Variants in TOPBP1 observed in about 807,000 individuals in gnomAD.
TOPBP1 encodes DNA topoisomerase II binding protein 1, also known as DNA topoisomerase 2-binding protein 1.
In TOPBP1, 28 loss-of-function variants were observed where a neutral mutation model predicts 167.7. The ratio of observed to expected loss-of-function variants is 0.17; its 90% confidence interval spans 0.12 to 0.23. The LOEUF (loss-of-function observed/expected upper bound fraction) is 0.23. Among genes scored for constraint, TOPBP1 ranks in the 10% least tolerant of loss-of-function variants. TOPBP1 has a pLI of 1.00. For synonymous variants in TOPBP1, 598 were observed against 611.4 expected, an observed-to-expected ratio of 0.98 and a Z score of 0.32; for missense variants, 1,554 against 1,809.6, an observed-to-expected ratio of 0.86 and a Z score of 2.56.
chr3:133,623,374 C>T lies in TOPBP1; in HGVS notation c.3012G>A (p.Val1004=), dbSNP rs4854738. Reference sequence around the variant, plus strand: ...GACTATTACAGAGCCGGCCATCTTGCACTGCGCTGATATCCAAGCTCATTT... The same window carrying T: ...GACTATTACAGAGCCGGCCATCTTGTACTGCGCTGATATCCAAGCTCATTT... The part of the protein sequence containing the change: ...NPKMSLDISA[V]QDGRLCNSRL... Residue 1004 remains valine (V), a synonymous_variant, in exon 18 of 28, where the codon GTG becomes GTA. Transcript: ENST00000260810. 0.093 allele frequency: 150,588 copies of T among 1,612,876 alleles called. 8,262 individuals carry two copies. The highest frequency in any genetic ancestry group is 0.21 in the East Asian group (9,555 of 44,806).
chr3:133,632,682 T>C (rs1935527438), intron 14 of TOPBP1, among the ~76,000 whole-genome samples: 1 of 152,232 alleles, frequency 6.6e-6, no homozygotes, highest in Non-Finnish European at 1.5e-5. Flanking sequence ...TAGATCCCAA[T>C]GCCTCTCAGA....
At chr3:133,661,396 C>G (rs1936709007) in intron 1 of TOPBP1, among the ~76,000 whole-genome samples, 1 of 152,364 alleles carries the variant, frequency 6.6e-6, no homozygotes, top group South Asian at 2.1e-4. Flanking sequence ...GCTATGAAGG[C>G]TCTAAGCCCT....
intron 10 of TOPBP1, among the ~76,000 whole-genome samples, chr3:133,648,537 C>T (rs900161223): frequency 1.3e-5 from 2 of 152,234 alleles, no homozygotes; most frequent in Non-Finnish European, 2.9e-5. Context: ...GTGGCTCACG[C>T]CCGTAATCCC....
chr3:133,615,496 C>T (rs1191322686), intron 23 of TOPBP1, among the ~76,000 whole-genome samples: 1 of 151,706 alleles, frequency 6.6e-6, no homozygotes, highest in Non-Finnish European at 1.5e-5. Context: ...ACAAAAAAAC[C>T]CCACCAATAT....
chr3:133,636,455 A>G (rs910702382), intron 14 of TOPBP1, among the ~76,000 whole-genome samples: 6 of 152,166 alleles, frequency 3.9e-5, no homozygotes, highest in African/African-American at 1.4e-4. Flanking sequence ...TTATAAGATT[A>G]TAAGATGAAG....
chr3:133,660,928 C>CTG, intron 2 of TOPBP1, 116 bp downstream of exon 2: 1 of 719,918 alleles, frequency 1.4e-6, no homozygotes, highest in Non-Finnish European at 2.2e-6. Context: ...TTAATGTAGA[C>CTG]TATAAAATTA....
intron 25 of TOPBP1, 42 bp from the exon 26 acceptor site, chr3:133,609,004 TAAC>T: frequency 6.9e-7 from 1 of 1,458,980 alleles, no homozygotes; most frequent in Non-Finnish European, 9.5e-7. Context: ...ATTTGGAAAA[TAAC>T]AAAATAATAC....
intron 14 of TOPBP1, among the ~76,000 whole-genome samples, chr3:133,629,809 C>T (rs764431012): frequency 1.3e-5 from 2 of 151,860 alleles, no homozygotes; most frequent in Non-Finnish European, 2.9e-5. Flanking sequence ...ATTTTTGAGA[C>T]GGAGTCTCGC....
chr3:133,623,432 G>C lies in TOPBP1; in HGVS notation c.2954C>G (p.Pro985Arg). The C allele has an allele frequency of 6.2e-7, 1 of 1,612,164 alleles. No individual in the cohort carries two copies. The highest frequency in any genetic ancestry group is 8.5e-7 in the Non-Finnish European group (1 of 1,179,020). ...ATAAGTATGTGGATAAAGAGATTCAGGAAGATGTTTACACTCTTGGGCACA... is the reference window on the plus strand; with the variant it reads ...ATAAGTATGTGGATAAAGAGATTCACGAAGATGTTTACACTCTTGGGCACA... Reference protein sequence around the residue: ...LDCAQECKHLPESLYPHTYNP... With the variant: ...LDCAQECKHLRESLYPHTYNP... The change falls in exon 18 of 28, where the codon CCT becomes CGT. Residue 985 changes from proline (P) to arginine (R), a missense_variant. By Grantham distance (103) the Pro-to-Arg change is moderately radical. Coordinates refer to ENST00000260810, the MANE Select transcript of TOPBP1 (RefSeq NM_007027.4).
At chr3:133,618,504 AC>A in intron 20 of TOPBP1, 71 bp from the exon 21 acceptor site, 1 of 1,472,438 alleles carries the variant, frequency 6.8e-7, no homozygotes, top group Admixed American at 1.8e-5. Flanking sequence ...CATAAGTTAG[AC>A]CATAAAAGTT....
Position 133,620,138 on chromosome 3 carries a change from C to T in TOPBP1, c.3371+17G>A. 6.3e-7 allele frequency: 1 copy of T among 1,582,008 alleles called. No individual in the cohort carries two copies. Among genetic ancestry groups the T allele is most frequent in the Non-Finnish European group, 8.6e-7 (1 of 1,163,342 alleles). On this transcript the variant is annotated intron_variant, in intron 20 of 27. Coordinates refer to ENST00000260810, the MANE Select transcript of TOPBP1 (RefSeq NM_007027.4). ...TCAAGTCATCTAGTCTTTCTGCCAT[C>T]AGTGACAGGTACACACCTCAGTGCC... is the stretch of plus-strand genomic sequence containing the variant.
chr3:133,617,597 TA>T, intron 21 of TOPBP1: 1 of 264,628 alleles, frequency 3.8e-6, no homozygotes, highest in Non-Finnish European at 7.0e-6. Context: ...ACATTTTCCT[TA>T]AATACCAAGT....
At chr3:133,660,792 C>T (rs1333271834) in intron 2 of TOPBP1, among the ~76,000 whole-genome samples, 1 of 152,176 alleles carries the variant, frequency 6.6e-6, no homozygotes, top group Non-Finnish European at 1.5e-5. Context: ...ATGAAAGCAA[C>T]TTAATTTCCA....
At chr3:133,636,436 T>C (rs1174165289) in intron 14 of TOPBP1, among the ~76,000 whole-genome samples, 1 of 152,070 alleles carries the variant, frequency 6.6e-6, no homozygotes, top group Non-Finnish European at 1.5e-5. Flanking sequence ...AGATGAAGCA[T>C]TATAATGCTT....
chr3:133,619,130 A>C (rs907386164), intron 20 of TOPBP1, among the ~76,000 whole-genome samples: 2 of 146,848 alleles, frequency 1.4e-5, no homozygotes, highest in African/African-American at 4.9e-5. Flanking sequence ...AAAAAACAAA[A>C]AACAAAAAAC....
intron 3 of TOPBP1, among the ~76,000 whole-genome samples, chr3:133,658,771 C>T (rs1936574259): frequency 6.6e-6 from 1 of 152,144 alleles, no homozygotes; most frequent in Admixed American, 6.5e-5. Flanking sequence ...TGTGCCACTG[C>T]ACTAAAGCCT....
intron 27 of TOPBP1, among the ~76,000 whole-genome samples, chr3:133,605,763 A>G (rs780023424): frequency 3.9e-5 from 6 of 152,250 alleles, no homozygotes; most frequent in Non-Finnish European, 4.4e-5. Flanking sequence ...TTGAGGTCCT[A>G]GCCACATAAG....
chr3:133,646,267 T>C (rs1245297943), intron 10 of TOPBP1, among the ~76,000 whole-genome samples: 1 of 152,214 alleles, frequency 6.6e-6, no homozygotes, highest in Non-Finnish European at 1.5e-5. Flanking sequence ...ACTTAATCCT[T>C]ATAAAGTCAG....
chr3:133,632,722 C>T lies in TOPBP1; in HGVS notation c.2521-3989G>A, dbSNP rs78319331. Among the ~76,000 whole-genome samples the T allele has an allele frequency of 7.6e-3, 1,151 of 152,286 alleles. 10 individuals are homozygous for T. The highest frequency in any genetic ancestry group is 0.026 in the African/African-American group (1,068 of 41,574). On this transcript the variant is annotated intron_variant, in intron 14 of 27. Transcript: ENST00000260810. Reference sequence around the variant, plus strand: ...AGCCTCCTGCAAGTCTTCCTTCTCTCATCTGCATCATCAATTGGCTCTCTA... The same window carrying T: ...AGCCTCCTGCAAGTCTTCCTTCTCTTATCTGCATCATCAATTGGCTCTCTA...
Sources: gnomAD v4.1 joint callset for allele counts (sites outside exome capture counted in the v4.1 genomes callset) on GRCh38, gnomAD v4.1.1 for gene constraint, MANE v1.5 for transcripts, NCBI Gene and HGNC (gene_info 2026-07-23, HGNC 2026-07-21) for gene names.